The following EPHA7 variants were observed in gnomAD, a reference collection of about 807,000 sequenced individuals.
The protein encoded by EPHA7 is ephrin type-A receptor 7.
A neutral mutation model predicts 112.6 loss-of-function variants in EPHA7; 25 were observed. The observed-to-expected ratio is 0.22, with a 90% confidence interval of 0.16 to 0.31. The LOEUF (loss-of-function observed/expected upper bound fraction) is 0.31. Among genes scored for constraint, EPHA7 ranks in the 10% least tolerant of loss-of-function variants. The pLI is 1.00. For synonymous variants in EPHA7, 437 were observed against 406.5 expected, an observed-to-expected ratio of 1.07 and a Z score of -0.90; for missense variants, 962 against 1,212.6, an observed-to-expected ratio of 0.79 and a Z score of 3.07.
chr6:93,315,104 C>T (rs557129787), intron 5 of EPHA7, among the ~76,000 whole-genome samples: 3 of 150,026 alleles, frequency 2.0e-5, no homozygotes, highest in South Asian at 2.1e-4. Context: ...CCTCGTGATC[C>T]GCCCGCCTCG....
intron 14 of EPHA7, 78 bp from the exon 15 acceptor site, chr6:93,247,063 T>C (rs1769988378): frequency 7.8e-7 from 1 of 1,281,596 alleles, no homozygotes; most frequent in Non-Finnish European, 1.1e-6. Flanking sequence ...GTAGGCAAAA[T>C]GATTTATCCA....
At chr6:93,376,425 G>C (rs1186217561) in intron 3 of EPHA7, among the ~76,000 whole-genome samples, 2 of 152,104 alleles carry the variant, frequency 1.3e-5, no homozygotes, top group Admixed American at 6.6e-5. Flanking sequence ...ACAGGCATAA[G>C]TCACCACGCC....
intron 5 of EPHA7, among the ~76,000 whole-genome samples, chr6:93,327,270 T>C (rs1364127559): frequency 1.3e-5 from 2 of 151,572 alleles, no homozygotes; most frequent in African/African-American, 4.8e-5. Context: ...TTTCTGAGCA[T>C]CAAATTGAAT....
intron 5 of EPHA7, among the ~76,000 whole-genome samples, chr6:93,332,471 T>C (rs1774644024): frequency 6.6e-6 from 1 of 151,570 alleles, no homozygotes; most frequent in Non-Finnish European, 1.5e-5. Flanking sequence ...ACAAATTCCA[T>C]CTCTCTCTTT....
At chr6:93,376,936 GT>G (rs1242097966) in intron 3 of EPHA7, among the ~76,000 whole-genome samples, 1 of 152,124 alleles carries the variant, frequency 6.6e-6, no homozygotes, top group African/African-American at 2.4e-5. Context: ...GTATCTGAAA[GT>G]AATCACCTTG....
chr6:93,327,086 T>TCA (rs1261577855), intron 5 of EPHA7, among the ~76,000 whole-genome samples: 2 of 151,488 alleles, frequency 1.3e-5, no homozygotes, highest in Non-Finnish European at 3.0e-5. Context: ...GAGCTGAGTA[T>TCA]CAGCCACCTT....
At position 93,266,628 on chromosome 6, in the gene EPHA7, C is replaced by T. The variant is rs369391830; in HGVS notation, c.1634-1926G>A. Reference sequence around the variant, plus strand: ...AGAAGGGGATTTTAGGATGTATGTGCAATGGAAGAGACTGTCAAATTTCTC... The same window carrying T: ...AGAAGGGGATTTTAGGATGTATGTGTAATGGAAGAGACTGTCAAATTTCTC... On this transcript the variant is annotated intron_variant, in intron 7 of 16. Coordinates refer to ENST00000369303, the MANE Select transcript of EPHA7 (RefSeq NM_004440.4). Among the ~76,000 whole-genome samples, 9 of 151,600 alleles carry T rather than the reference C, an allele frequency of 5.9e-5. No homozygotes were observed. The East Asian group carries it at 1.6e-3, about 26-fold the overall frequency.
intron 3 of EPHA7, among the ~76,000 whole-genome samples, chr6:93,377,038 A>AT (rs5878312): frequency 0.11 from 16,503 of 152,178 alleles, 1,028 homozygotes; most frequent in East Asian, 0.3. Context: ...CACTTTACAA[A>AT]TTTTCTTATC....
At chr6:93,406,010 C>G (rs1778702875) in intron 3 of EPHA7, among the ~76,000 whole-genome samples, 1 of 149,830 alleles carries the variant, frequency 6.7e-6, no homozygotes, top group African/African-American at 2.4e-5. Flanking sequence ...TGTATTGTTT[C>G]ATTTGTTAAA....
chr6:93,309,194 C>T (rs976548585), intron 5 of EPHA7, among the ~76,000 whole-genome samples: 1 of 152,198 alleles, frequency 6.6e-6, no homozygotes, highest in Non-Finnish European at 1.5e-5. Context: ...GGTGATCTGC[C>T]CGCCTTAGCC....
chr6:93,382,903 A>G (rs1777410943), intron 3 of EPHA7, among the ~76,000 whole-genome samples: 1 of 152,204 alleles, frequency 6.6e-6, no homozygotes, highest in African/African-American at 2.4e-5. Context: ...TCATTCTAAG[A>G]AAAACTACTT....
chr6:93,365,339 T>C (rs1460103030), intron 3 of EPHA7, among the ~76,000 whole-genome samples: 2 of 152,240 alleles, frequency 1.3e-5, no homozygotes, highest in African/African-American at 4.8e-5. Flanking sequence ...TTAAGAATTC[T>C]AATGAATGCT....
chr6:93,380,655 G>T (rs79972021), intron 3 of EPHA7, among the ~76,000 whole-genome samples: 5,150 of 152,108 alleles, frequency 0.034, 119 homozygotes, highest in Non-Finnish European at 0.052. Context: ...AATGAAAAAA[G>T]GATAAAATTC....
chr6:93,321,517 G>A (rs1774072574), intron 5 of EPHA7, among the ~76,000 whole-genome samples: 1 of 151,694 alleles, frequency 6.6e-6, no homozygotes, highest in South Asian at 2.1e-4. Context: ...CTCTATATTT[G>A]TTTTGTTAGA....
intron 3 of EPHA7, among the ~76,000 whole-genome samples, chr6:93,369,180 CCACACACACACACA>C (rs35708007): frequency 4.8e-5 from 7 of 144,822 alleles, no homozygotes; most frequent in Non-Finnish European, 9.1e-5. Context: ...AAAATAAAGG[CCACACACACACACA>C]CACACACACA....
chr6:93,362,457 G>C (rs931450560), intron 3 of EPHA7, among the ~76,000 whole-genome samples: 1 of 151,816 alleles, frequency 6.6e-6, no homozygotes, highest in Non-Finnish European at 1.5e-5. Flanking sequence ...GAACATGAAA[G>C]GCAATCAGGT....
In EPHA7 at chr6:93,240,967, T is replaced by C. The variant is rs1769664827; in HGVS notation, c.*2459A>G. 1 of 214,300 alleles carries C rather than the reference T, an allele frequency of 4.7e-6. No homozygotes were observed. Among genetic ancestry groups the C allele is most frequent in the East Asian group, 7.0e-5 (1 of 14,384 alleles). 13.3% of individuals were successfully genotyped at this position (214,300 alleles called of 1,614,324 possible). A position where few individuals can be genotyped will look rare whatever the true frequency, so the allele number is the denominator to read the frequency against. ...TACACTTCCTATTGTGCTGTGTGTC[T>C]TTCCCATCCCTTCTCCCCTTTCCCT... On this transcript the variant is annotated 3_prime_UTR_variant, in exon 17 of 17. Coordinates refer to ENST00000369303, the MANE Select transcript of EPHA7 (RefSeq NM_004440.4).
Position 93,245,720 on chromosome 6 carries a change from G to A in EPHA7, c.2727-267C>T, listed in dbSNP as rs114769374. 6.4e-3 allele frequency among the ~76,000 whole-genome samples: 979 copies of A among 152,210 alleles called. 15 individuals carry two copies. The highest frequency in any genetic ancestry group is 0.023 in the African/African-American group (935 of 41,514). On this transcript the variant is annotated intron_variant, in intron 15 of 16. Coordinates refer to ENST00000369303, the MANE Select transcript of EPHA7 (RefSeq NM_004440.4). The stretch of plus-strand genomic sequence containing the variant: ...TTAAAAGTACAGCCAACAATATTTG[G>A]AATCAGTAAATAATTGTTCATTTGC...
chr6:93,300,083 G>A (rs1401918345), intron 5 of EPHA7, among the ~76,000 whole-genome samples: 1 of 152,118 alleles, frequency 6.6e-6, no homozygotes, highest in Non-Finnish European at 1.5e-5. Context: ...TCACACACGA[G>A]TTTATCTACA....
Sources: gnomAD v4.1 joint callset for allele counts (sites outside exome capture counted in the v4.1 genomes callset) on GRCh38, gnomAD v4.1.1 for gene constraint, MANE v1.5 for transcripts, NCBI Gene and HGNC (gene_info 2026-07-23, HGNC 2026-07-21) for gene names.